The following HIVEP3 variants were observed in gnomAD, a reference collection of about 807,000 sequenced individuals.
HIVEP3 encodes HIVEP zinc finger 3, also known as transcription factor HIVEP3.
In HIVEP3, 49 loss-of-function variants were observed where a neutral mutation model predicts 152.8. That is an observed-to-expected ratio of 0.32 (90% CI 0.26 to 0.41). The LOEUF is 0.41. Ranked by LOEUF, HIVEP3 falls within the 10% of genes least tolerant of loss-of-function variation. HIVEP3 has a pLI of 1.00. For synonymous variants in HIVEP3, 1,269 were observed against 1,289.0 expected (o/e 0.98, Z 0.33); for missense variants, 2,790 against 3,103.3 (o/e 0.90, Z 2.40).
intron 1 of HIVEP3, among the ~76,000 whole-genome samples, chr1:41,934,159 C>G (rs1430356589): frequency 6.6e-6 from 1 of 152,144 alleles, no homozygotes. Context: ...TTTCTGTAGA[C>G]TCTCCCAACC....
intron 3 of HIVEP3, among the ~76,000 whole-genome samples, chr1:41,599,880 A>C (rs1367792422): frequency 6.6e-6 from 1 of 152,218 alleles, no homozygotes; most frequent in Non-Finnish European, 1.5e-5. Flanking sequence ...AAGCCAAGCA[A>C]AACGATTTTT....
intron 1 of HIVEP3, among the ~76,000 whole-genome samples, chr1:41,732,940 C>T (rs1646863326): frequency 6.6e-6 from 1 of 152,150 alleles, no homozygotes; most frequent in African/African-American, 2.4e-5. Flanking sequence ...GGATCTGGTT[C>T]ACCCATGTCC....
chr1:42,026,939 T>C (rs1488298234), intron 1 of HIVEP3, among the ~76,000 whole-genome samples: 1 of 152,200 alleles, frequency 6.6e-6, no homozygotes, highest in Non-Finnish European at 1.5e-5. Flanking sequence ...TCTCACCATT[T>C]CTATGCTGCT....
At chr1:41,933,526 T>C (rs1645005143) in intron 1 of HIVEP3, among the ~76,000 whole-genome samples, 1 of 152,170 alleles carries the variant, frequency 6.6e-6, no homozygotes, top group Non-Finnish European at 1.5e-5. Flanking sequence ...TATCTTTTTC[T>C]ATTCTATTAC....
chr1:41,562,466 T>C (rs1369617070), intron 5 of HIVEP3, among the ~76,000 whole-genome samples: 3 of 152,172 alleles, frequency 2.0e-5, no homozygotes, highest in African/African-American at 7.2e-5. Context: ...GGAAAAACTT[T>C]CTTCCTTTTC....
chr1:41,802,124 C>G (rs1650346323), intron 1 of HIVEP3, among the ~76,000 whole-genome samples: 2 of 152,334 alleles, frequency 1.3e-5, no homozygotes, highest in South Asian at 4.1e-4. Context: ...TAGAAAGCAT[C>G]TAAGGCAGTT....
At chr1:41,655,879 AT>A (rs1307793751) in intron 2 of HIVEP3, among the ~76,000 whole-genome samples, 1 of 152,076 alleles carries the variant, frequency 6.6e-6, no homozygotes, top group Non-Finnish European at 1.5e-5. Flanking sequence ...ATGAATGACT[AT>A]ATGCTTGGTT....
intron 1 of HIVEP3, among the ~76,000 whole-genome samples, chr1:41,891,317 G>GT (rs1644442611): frequency 6.6e-6 from 1 of 152,098 alleles, no homozygotes; most frequent in South Asian, 2.1e-4. Flanking sequence ...GGTTGCACAT[G>GT]TATTTCTACT....
intron 1 of HIVEP3, among the ~76,000 whole-genome samples, chr1:41,897,710 G>T (rs809173): frequency 1.3e-5 from 2 of 151,914 alleles, no homozygotes; most frequent in African/African-American, 4.8e-5. Flanking sequence ...TCGTGCTACA[G>T]TTGGACAGAG....
intron 1 of HIVEP3, among the ~76,000 whole-genome samples, chr1:41,806,532 G>A (rs749193104): frequency 6.6e-6 from 1 of 152,270 alleles, no homozygotes; most frequent in Non-Finnish European, 1.5e-5. Flanking sequence ...ATGGGGGTAA[G>A]AAGAGCATGG....
intron 1 of HIVEP3, among the ~76,000 whole-genome samples, chr1:41,743,296 G>A (rs1378994886): frequency 1.3e-5 from 2 of 152,178 alleles, no homozygotes; most frequent in Non-Finnish European, 2.9e-5. Context: ...CCTGGTACAA[G>A]GTAGACACCC....
At chr1:41,860,837 C>T (rs1398913279) in intron 1 of HIVEP3, among the ~76,000 whole-genome samples, 5 of 152,218 alleles carry the variant, frequency 3.3e-5, no homozygotes, top group Admixed American at 6.5e-5. Flanking sequence ...AATTAGAATT[C>T]TGGCTAATTT....
intron 1 of HIVEP3, among the ~76,000 whole-genome samples, chr1:41,983,937 A>G (rs966415651): frequency 4.6e-5 from 7 of 152,206 alleles, no homozygotes; most frequent in Non-Finnish European, 8.8e-5. Context: ...CAGATAAAGA[A>G]GTAGAACAAT....
intron 1 of HIVEP3, among the ~76,000 whole-genome samples, chr1:41,742,321 T>G (rs547230082): frequency 1.3e-5 from 2 of 152,190 alleles, no homozygotes; most frequent in South Asian, 4.1e-4. Context: ...CCCCAGCATA[T>G]GCCAGCCACA....
chr1:41,971,564 G>A (rs1285211605), intron 1 of HIVEP3, among the ~76,000 whole-genome samples: 1 of 152,170 alleles, frequency 6.6e-6, no homozygotes, highest in Non-Finnish European at 1.5e-5. Context: ...GATGACAGCT[G>A]GCTTGGGAGC....
rs1044636565 is a variant in HIVEP3 at position 41,558,904 on chromosome 1, T to C, written c.5207+16640A>G. ...GGCTCTCATGTGCAGCCCTGTCAGC[T>C]GTCACCACATTCTTGGGAGCCTGCC... On this transcript the variant is annotated intron_variant, in intron 5 of 8. Coordinates refer to ENST00000372583, the MANE Select transcript of HIVEP3 (RefSeq NM_024503.5). Among the ~76,000 whole-genome samples the C allele has an allele frequency of 2.6e-5, 4 of 152,298 alleles. No homozygotes were observed. In the East Asian group the frequency reaches 7.7e-4, roughly 29 times the overall value.
At position 42,026,025 on chromosome 1, in the gene HIVEP3, G is replaced by A. The variant is rs531044366; in HGVS notation, n.119+9782C>T. On this transcript the variant is annotated intron_variant and non_coding_transcript_variant, in intron 1 of 3. Coordinates refer to the HIVEP3 transcript ENST00000489103. ...GTTGAAGCTGCAGTGAGCCGTGATC[G>A]TGGCATTGTCTGCAGCCTGGGCGAC... Among the ~76,000 whole-genome samples the A allele has an allele frequency of 9.5e-4, 144 of 151,944 alleles. 1 individual carries two copies. Among genetic ancestry groups the A allele is most frequent in the African/African-American group, 3.4e-3 (141 of 41,416 alleles).
chr1:41,806,861 A>G (rs1650652194), intron 1 of HIVEP3, among the ~76,000 whole-genome samples: 1 of 152,132 alleles, frequency 6.6e-6, no homozygotes, highest in Non-Finnish European at 1.5e-5. Flanking sequence ...GGTCAAGACG[A>G]CAGGACTGAG....
chr1:41,889,657 C>G (rs549884607), intron 1 of HIVEP3, among the ~76,000 whole-genome samples: 2 of 152,266 alleles, frequency 1.3e-5, no homozygotes, highest in South Asian at 4.2e-4. Context: ...CCTTCATTTC[C>G]CATATGTTAG....
Sources: allele counts gnomAD v4.1 joint callset (sites outside exome capture counted in the v4.1 genomes callset), GRCh38; gene constraint gnomAD v4.1.1; transcripts MANE v1.5; gene names NCBI Gene and HGNC (gene_info 2026-07-23, HGNC 2026-07-21).